Variants in KCNK2 observed in about 807,000 individuals in gnomAD.
The protein encoded by KCNK2 is potassium two pore domain channel subfamily K member 2.
KCNK2 carries 21 observed loss-of-function variants against 40.5 expected under a neutral mutation model. The ratio of observed to expected loss-of-function variants is 0.52; its 90% CI spans 0.37 to 0.75. The LOEUF (loss-of-function observed/expected upper bound fraction) is 0.75. KCNK2 is among the 30% of genes least tolerant of loss of function. The pLI is 0.00. For synonymous variants in KCNK2, 191 were observed against 202.2 expected (o/e 0.94, Z 0.47); for missense variants, 399 against 531.6 (o/e 0.75, Z 2.45).
chr1:215,057,175 C>T (rs1275915511), intron 1 of KCNK2, among the ~76,000 whole-genome samples: 1 of 149,286 alleles, frequency 6.7e-6, no homozygotes, highest in Non-Finnish European at 1.5e-5. Flanking sequence ...ATGCTTGGGA[C>T]AATAGCAAAC....
At chr1:215,068,761 A>G (rs1658646593) in intron 1 of KCNK2, among the ~76,000 whole-genome samples, 2 of 152,224 alleles carry the variant, frequency 1.3e-5, no homozygotes, top group Non-Finnish European at 2.9e-5. Flanking sequence ...AGAAACAGGT[A>G]TAACATATGA....
intron 6 of KCNK2, among the ~76,000 whole-genome samples, chr1:215,224,584 A>T (rs573381721): frequency 1.3e-5 from 2 of 152,220 alleles, no homozygotes; most frequent in Non-Finnish European, 2.9e-5. Context: ...AAGACTGAAA[A>T]TTTTCTTTAA....
At chr1:215,028,979 T>A (rs1249428626) in intron 1 of KCNK2, among the ~76,000 whole-genome samples, 4 of 151,936 alleles carry the variant, frequency 2.6e-5, no homozygotes, top group African/African-American at 9.7e-5. Context: ...TTTTTTTTTT[T>A]AGAAGAGTTT....
intron 1 of KCNK2, among the ~76,000 whole-genome samples, chr1:215,051,873 G>C (rs998805207): frequency 6.6e-6 from 1 of 151,932 alleles, no homozygotes; most frequent in Admixed American, 6.6e-5. Flanking sequence ...AGAAAATTTT[G>C]GATTGTTTTG....
At chr1:215,218,001 G>A (rs1666024956) in intron 6 of KCNK2, among the ~76,000 whole-genome samples, 1 of 152,134 alleles carries the variant, frequency 6.6e-6, no homozygotes, top group Non-Finnish European at 1.5e-5. Flanking sequence ...TACAGTGCTA[G>A]AAGTCCAAAG....
At position 215,086,353 on chromosome 1, in the gene KCNK2, C is replaced by T. The variant is rs1005591289; in HGVS notation, c.47-15C>T. 17 of 1,607,734 alleles carry T rather than the reference C, an allele frequency of 1.1e-5. No homozygotes were observed. The highest frequency in any genetic ancestry group is 1.4e-5 in the Non-Finnish European group (17 of 1,175,250). ...CATCTCCTCCAACCTAACCCTCATT[C>T]TCTGTTGTTGTCAGTGGCGGCACCT... On this transcript the variant is annotated splice_polypyrimidine_tract_variant and intron_variant, in intron 1 of 6. Transcript: ENST00000444842.
chr1:215,037,015 T>TTTTTTTTTCTTTTTTTTTTTA (rs1657410294), intron 1 of KCNK2, among the ~76,000 whole-genome samples: 1 of 150,590 alleles, frequency 6.6e-6, no homozygotes, highest in Non-Finnish European at 1.5e-5. Flanking sequence ...TTTTTTTTTT[T>TTTTTTTTTCTTTTTTTTTTTA]TTGCCTTATT....
intron 3 of KCNK2, among the ~76,000 whole-genome samples, chr1:215,157,163 A>G (rs1415784040): frequency 1.3e-5 from 2 of 152,198 alleles, no homozygotes; most frequent in East Asian, 1.9e-4. Context: ...CATATCATCT[A>G]TTAAAGATAA....
chr1:215,057,052 C>A (rs1295907244), intron 1 of KCNK2, among the ~76,000 whole-genome samples: 3 of 152,040 alleles, frequency 2.0e-5, no homozygotes, highest in African/African-American at 7.2e-5. Flanking sequence ...ATTACTTTGC[C>A]TTTTCATTCT....
intron 2 of KCNK2, among the ~76,000 whole-genome samples, chr1:215,114,488 C>G (rs1204403596): frequency 6.6e-6 from 1 of 152,082 alleles, no homozygotes; most frequent in Non-Finnish European, 1.5e-5. Flanking sequence ...GTTCTTGTTT[C>G]TCAAACAAAA....
chr1:215,162,884 T>TA (rs1663267398), intron 3 of KCNK2, among the ~76,000 whole-genome samples: 1 of 151,790 alleles, frequency 6.6e-6, no homozygotes, highest in African/African-American at 2.4e-5. Context: ...GTTTTTTTTT[T>TA]TTATTAGGAT....
At chr1:215,217,544 A>G (rs1666009404) in intron 6 of KCNK2, among the ~76,000 whole-genome samples, 2 of 152,146 alleles carry the variant, frequency 1.3e-5, no homozygotes, top group Non-Finnish European at 2.9e-5. Context: ...TAAACTCTCC[A>G]GCTGCTCATC....
At chr1:215,141,000 T>G (rs1662148292) in intron 3 of KCNK2, among the ~76,000 whole-genome samples, 1 of 152,050 alleles carries the variant, frequency 6.6e-6, no homozygotes, top group Non-Finnish European at 1.5e-5. Flanking sequence ...TTTTAAAAAC[T>G]TTTTCAATAT....
At chr1:215,077,601 A>G (rs1319296453) in intron 1 of KCNK2, among the ~76,000 whole-genome samples, 1 of 152,022 alleles carries the variant, frequency 6.6e-6, no homozygotes, top group Non-Finnish European at 1.5e-5. Context: ...TCCAGGTCTC[A>G]TTAATTAAAA....
At chr1:215,150,777 T>G (rs1251303937) in intron 3 of KCNK2, among the ~76,000 whole-genome samples, 2 of 151,990 alleles carry the variant, frequency 1.3e-5, no homozygotes. Context: ...TTCAATATTC[T>G]CCTTTATTTA....
At chr1:215,186,013 A>G (rs1221817053) in intron 5 of KCNK2, among the ~76,000 whole-genome samples, 1 of 152,258 alleles carries the variant, frequency 6.6e-6, no homozygotes, top group Non-Finnish European at 1.5e-5. Context: ...CAGTATAATT[A>G]TTAGAAGCAT....
chr1:215,210,125 A>G (rs1286407304), intron 6 of KCNK2, among the ~76,000 whole-genome samples: 2 of 111,894 alleles, frequency 1.8e-5, no homozygotes, highest in Non-Finnish European at 3.5e-5. Flanking sequence ...CTATATATAA[A>G]TATACACTAT....
intron 3 of KCNK2, among the ~76,000 whole-genome samples, chr1:215,137,711 C>T (rs1325009613): frequency 1.3e-5 from 2 of 152,142 alleles, no homozygotes; most frequent in Non-Finnish European, 1.5e-5. Context: ...ATAATAATTG[C>T]ACTTGCTATC....
At chr1:215,203,589 C>T (rs1345154025) in intron 6 of KCNK2, among the ~76,000 whole-genome samples, 1 of 151,642 alleles carries the variant, frequency 6.6e-6, no homozygotes, top group Non-Finnish European at 1.5e-5. Context: ...ATCATGAGTG[C>T]TTATAGGTCT....
Sources: allele counts gnomAD v4.1 joint callset (sites outside exome capture counted in the v4.1 genomes callset), GRCh38; gene constraint gnomAD v4.1.1; transcripts MANE v1.5; gene names NCBI Gene and HGNC (gene_info 2026-07-23, HGNC 2026-07-21).